The following SDC2 variants were observed in gnomAD, a reference collection of about 807,000 sequenced individuals.
SDC2 encodes syndecan 2.
A neutral mutation model predicts 22.2 loss-of-function variants in SDC2; 13 were observed. That is an observed-to-expected ratio of 0.59 (90% CI 0.38 to 0.93). The LOEUF (loss-of-function observed/expected upper bound fraction) is 0.93, where lower values mean the gene tolerates loss of function less well. Ranked by LOEUF, SDC2 falls within the 40% of genes least tolerant of loss-of-function variation. The probability of loss-of-function intolerance (pLI) is 0.00; values close to 1 mark genes in which losing one functional copy is unlikely to be tolerated. For synonymous variants in SDC2, 94 were observed against 92.8 expected (o/e 1.01, Z -0.07); for missense variants, 235 against 246.8 (o/e 0.95, Z 0.32).
At chr8:96,550,747 C>G (rs1814013606) in intron 1 of SDC2, among the ~76,000 whole-genome samples, 1 of 152,150 alleles carries the variant, frequency 6.6e-6, no homozygotes, top group South Asian at 2.1e-4. Context: ...TACAGTGATT[C>G]ATTGTAGATT....
intron 1 of SDC2, among the ~76,000 whole-genome samples, chr8:96,533,285 T>C (rs920263318): frequency 2.0e-5 from 3 of 152,202 alleles, no homozygotes; most frequent in East Asian, 1.9e-4. Context: ...TTTATTCTCT[T>C]ATCTGGCCCC....
At chr8:96,567,367 A>G (rs944414646) in intron 1 of SDC2, among the ~76,000 whole-genome samples, 3 of 152,196 alleles carry the variant, frequency 2.0e-5, no homozygotes, top group Non-Finnish European at 4.4e-5. Context: ...AATTTTTTGA[A>G]TTTCAATAGC....
intron 1 of SDC2, among the ~76,000 whole-genome samples, chr8:96,569,999 C>T (rs1255008637): frequency 6.6e-6 from 1 of 152,196 alleles, no homozygotes; most frequent in East Asian, 1.9e-4. Flanking sequence ...AATGGCAATG[C>T]AAAATATATT....
chr8:96,529,443 C>T (rs1382493311), intron 1 of SDC2, among the ~76,000 whole-genome samples: 2 of 152,132 alleles, frequency 1.3e-5, no homozygotes, highest in African/African-American at 2.4e-5. Flanking sequence ...AAACAAATCC[C>T]AACCTGTACC....
chr8:96,572,183 C>T (rs1175855392), intron 1 of SDC2, among the ~76,000 whole-genome samples: 2 of 152,178 alleles, frequency 1.3e-5, no homozygotes, highest in Non-Finnish European at 2.9e-5. Flanking sequence ...GGCAACCCTA[C>T]AGGAGGTGCT....
intron 2 of SDC2, among the ~76,000 whole-genome samples, chr8:96,594,831 G>A (rs1814845436): frequency 6.6e-6 from 1 of 152,166 alleles, no homozygotes; most frequent in African/African-American, 2.4e-5. Flanking sequence ...TTCACATGGT[G>A]GCAGCAGGGA....
chr8:96,519,194 C>T (rs1813455802), intron 1 of SDC2, among the ~76,000 whole-genome samples: 1 of 152,018 alleles, frequency 6.6e-6, no homozygotes, highest in Non-Finnish European at 1.5e-5. Flanking sequence ...GGAGGCCGAC[C>T]CAGAGTGCCC....
intron 1 of SDC2, among the ~76,000 whole-genome samples, chr8:96,506,658 A>G (rs2130431872): frequency 6.6e-6 from 1 of 152,088 alleles, no homozygotes; most frequent in East Asian, 1.9e-4. Context: ...TGTTGTTCAC[A>G]TGGGGTTTCA....
intron 1 of SDC2, among the ~76,000 whole-genome samples, chr8:96,523,779 C>T (rs939812998): frequency 6.6e-5 from 10 of 152,060 alleles, no homozygotes; most frequent in South Asian, 2.1e-4. Context: ...CAAAAAAAGA[C>T]GCGGATTTTT....
chr8:96,551,895 C>T (rs1043168393), intron 1 of SDC2, among the ~76,000 whole-genome samples: 3 of 152,170 alleles, frequency 2.0e-5, no homozygotes, highest in African/African-American at 7.2e-5. Flanking sequence ...TCTCCTCTTC[C>T]TTCTTCCTTT....
chr8:96,548,116 T>C (rs1813965603), intron 1 of SDC2, among the ~76,000 whole-genome samples: 1 of 152,202 alleles, frequency 6.6e-6, no homozygotes, highest in Non-Finnish European at 1.5e-5. Context: ...GTTTCTTACT[T>C]CCAACAATAA....
intron 1 of SDC2, among the ~76,000 whole-genome samples, chr8:96,535,591 G>A (rs960830042): frequency 3.9e-5 from 6 of 152,334 alleles, no homozygotes; most frequent in South Asian, 2.1e-4. Flanking sequence ...TTCTGACAAC[G>A]AAGAGGAATT....
At chr8:96,494,489 C>T (rs540773510) in intron 1 of SDC2, among the ~76,000 whole-genome samples, 158 bp downstream of exon 1, 4 of 152,340 alleles carry the variant, frequency 2.6e-5, no homozygotes, top group African/African-American at 7.2e-5. Context: ...GTCACCCTTT[C>T]CCCCTCTTCC....
chr8:96,498,587 T>C (rs892557667), intron 1 of SDC2, among the ~76,000 whole-genome samples: 2 of 151,864 alleles, frequency 1.3e-5, no homozygotes, highest in African/African-American at 4.8e-5. Flanking sequence ...ACCTCCCAGG[T>C]TCAAGCGATT....
At chr8:96,564,642 C>T (rs1038193673) in intron 1 of SDC2, among the ~76,000 whole-genome samples, 14 of 152,082 alleles carry the variant, frequency 9.2e-5, no homozygotes, top group African/African-American at 1.4e-4. Context: ...ACCTATGATA[C>T]GTTTTATTTG....
At position 96,609,645 on chromosome 8, in the gene SDC2, A is replaced by G. The variant is rs1400183446; in HGVS notation, c.*97A>G. ...AAGATCTTTGTTTTTTGTTTTCATT[A>G]AAGAGCCATTCTGGCACTTTAATGA... On this transcript the variant is annotated 3_prime_UTR_variant, in exon 5 of 5. Coordinates refer to ENST00000302190, the MANE Select transcript of SDC2 (RefSeq NM_002998.4). 1 of 814,114 alleles carries G rather than the reference A, an allele frequency of 1.2e-6. No individual in the cohort carries two copies. The highest frequency in any genetic ancestry group is 1.8e-6 in the Non-Finnish European group (1 of 563,632). 50.4% of individuals were successfully genotyped at this position (814,114 alleles called of 1,614,324 possible). A position where few individuals can be genotyped will look rare whatever the true frequency, so the allele number is the denominator to read the frequency against.
intron 1 of SDC2, among the ~76,000 whole-genome samples, chr8:96,540,722 T>G (rs1813834539): frequency 1.3e-5 from 2 of 152,164 alleles, no homozygotes; most frequent in South Asian, 4.1e-4. Context: ...TCTGTAGTGG[T>G]TTTCTTTTTC....
chr8:96,576,414 C>CTTTTT (rs1814502370), intron 1 of SDC2, among the ~76,000 whole-genome samples: 3 of 14,850 alleles, frequency 2.0e-4, no homozygotes, highest in African/African-American at 3.8e-4. Context: ...CTTTATTATT[C>CTTTTT]TCTTTTTTTT....
At chr8:96,497,914 A>G (rs1417274491) in intron 1 of SDC2, among the ~76,000 whole-genome samples, 1 of 152,256 alleles carries the variant, frequency 6.6e-6, no homozygotes, top group East Asian at 1.9e-4. Flanking sequence ...AGAAGGGTGC[A>G]TTGCAGAATC....
Sources: allele counts gnomAD v4.1 joint callset (sites outside exome capture counted in the v4.1 genomes callset), GRCh38; gene constraint gnomAD v4.1.1; transcripts MANE v1.5; gene names NCBI Gene and HGNC (gene_info 2026-07-23, HGNC 2026-07-21).